Variants in CDYL2 observed in about 807,000 individuals in gnomAD.
The protein encoded by CDYL2 is chromodomain Y like 2.
In CDYL2, 23 loss-of-function variants were observed where a neutral mutation model predicts 49.4. The ratio of observed to expected loss-of-function variants is 0.47; its 90% CI spans 0.34 to 0.66. The LOEUF (loss-of-function observed/expected upper bound fraction) is 0.66. CDYL2 is among the 30% of genes least tolerant of loss of function. CDYL2 has a pLI of 0.01. For missense variants in CDYL2, 678 were observed against 656.4 expected (o/e 1.03, Z -0.36); for synonymous variants, 360 against 268.8 (o/e 1.34, Z -3.32).
chr16:80,737,540 T>C (rs1905578842), intron 1 of CDYL2, among the ~76,000 whole-genome samples: 2 of 152,330 alleles, frequency 1.3e-5, no homozygotes, highest in South Asian at 4.1e-4. Flanking sequence ...TGGCTCTTCA[T>C]ACCAGCTGTT....
At chr16:80,658,804 G>C (rs1394405150) in intron 2 of CDYL2, among the ~76,000 whole-genome samples, 4 of 152,156 alleles carry the variant, frequency 2.6e-5, no homozygotes, top group East Asian at 3.8e-4. Context: ...AGGGCTCCTA[G>C]AGAAATGGCT....
chr16:80,752,862 A>C (rs1031246584), intron 1 of CDYL2, among the ~76,000 whole-genome samples: 2 of 152,256 alleles, frequency 1.3e-5, no homozygotes, highest in African/African-American at 4.8e-5. Context: ...AAGCTAGTGC[A>C]GCACACAAAT....
At chr16:80,698,638 G>T (rs1904286371) in intron 1 of CDYL2, among the ~76,000 whole-genome samples, 1 of 152,062 alleles carries the variant, frequency 6.6e-6, no homozygotes, top group Non-Finnish European at 1.5e-5. Context: ...CCTTGGTACT[G>T]TATAGTAAGT....
At chr16:80,614,175 G>A (rs925534116) in intron 4 of CDYL2, among the ~76,000 whole-genome samples, 1 of 152,214 alleles carries the variant, frequency 6.6e-6, no homozygotes, top group Non-Finnish European at 1.5e-5. Context: ...AAAGACTGCA[G>A]AGGTGTGGCA....
chr16:80,628,592 C>A (rs1449482194), intron 3 of CDYL2, among the ~76,000 whole-genome samples: 1 of 152,196 alleles, frequency 6.6e-6, no homozygotes, highest in South Asian at 2.1e-4. Context: ...CTGAGCCATG[C>A]CCAGATTCCT....
chr16:80,706,655 G>A (rs867629500), intron 1 of CDYL2, among the ~76,000 whole-genome samples: 6 of 152,218 alleles, frequency 3.9e-5, no homozygotes, highest in Middle Eastern at 6.8e-3. Context: ...GATTATCAAG[G>A]GTGCCAGAAA....
chr16:80,718,933 C>G (rs1451640707), intron 1 of CDYL2, among the ~76,000 whole-genome samples: 1 of 152,204 alleles, frequency 6.6e-6, no homozygotes, highest in African/African-American at 2.4e-5. Flanking sequence ...ATCCAGAGAG[C>G]AGAACCAGGA....
At chr16:80,657,331 G>A (rs1011334442) in intron 2 of CDYL2, among the ~76,000 whole-genome samples, 2 of 152,094 alleles carry the variant, frequency 1.3e-5, no homozygotes, top group Non-Finnish European at 2.9e-5. Flanking sequence ...ATAGCATAAA[G>A]AACTAATTAA....
chr16:80,732,555 G>A (rs551714154), intron 1 of CDYL2, among the ~76,000 whole-genome samples: 1 of 152,150 alleles, frequency 6.6e-6, no homozygotes, highest in African/African-American at 2.4e-5. Context: ...GTTATGTCTG[G>A]GAGATGTCTG....
intron 1 of CDYL2, chr16:80,742,023 T>C (rs1271312670): frequency 1.3e-5 from 2 of 152,240 alleles, no homozygotes; most frequent in African/African-American, 4.8e-5. Flanking sequence ...CACAGTTCTA[T>C]GCTTCAAATG....
chr16:80,738,457 G>A (rs1437724091), intron 1 of CDYL2, among the ~76,000 whole-genome samples: 2 of 152,048 alleles, frequency 1.3e-5, no homozygotes, highest in South Asian at 2.1e-4. Flanking sequence ...AATGCTACAT[G>A]CTACAACTAG....
chr16:80,644,554 T>C (rs1173691405), intron 2 of CDYL2, among the ~76,000 whole-genome samples: 1 of 152,158 alleles, frequency 6.6e-6, no homozygotes, highest in Non-Finnish European at 1.5e-5. Flanking sequence ...CACATAGCTG[T>C]GGAGGCCTCA....
chr16:80,748,260 C>T (rs1317104173), intron 1 of CDYL2, among the ~76,000 whole-genome samples: 1 of 149,934 alleles, frequency 6.7e-6, no homozygotes, highest in East Asian at 1.9e-4. Context: ...GGCGCGCTGG[C>T]TCACGCCTGT....
intron 2 of CDYL2, among the ~76,000 whole-genome samples, chr16:80,661,452 C>G (rs1427892843): frequency 6.6e-6 from 1 of 152,148 alleles, no homozygotes; most frequent in African/African-American, 2.4e-5. Flanking sequence ...GGGATTCACA[C>G]AGGTTGTCTC....
intron 1 of CDYL2, among the ~76,000 whole-genome samples, chr16:80,762,793 G>A (rs757135136): frequency 1.4e-4 from 22 of 152,238 alleles, no homozygotes; most frequent in Admixed American, 5.9e-4. Flanking sequence ...AGCTCTCATA[G>A]GGCAGAGACG....
Position 80,600,312 on chromosome 16 carries a change from G to C in CDYL2, c.*4076C>G, listed in dbSNP as rs1322009176. 2.6e-5 allele frequency: 4 copies of C among 152,078 alleles called. No individual in the cohort carries two copies. The highest frequency in any genetic ancestry group is 2.6e-4 in the Admixed American group (4 of 15,268). The allele number at this position is 152,078 out of a possible 1,614,324, so 9.4% of individuals were successfully genotyped here. On this transcript the variant is annotated 3_prime_UTR_variant, in exon 7 of 7. Coordinates refer to ENST00000570137, the MANE Select transcript of CDYL2 (RefSeq NM_152342.4). ...ACAAGTGATATTAATGAAAAATATT[G>C]CCTAAAACGCATATCCTAACTTATC...
chr16:80,692,575 T>C (rs985062411), intron 1 of CDYL2, among the ~76,000 whole-genome samples: 1 of 152,262 alleles, frequency 6.6e-6, no homozygotes, highest in Non-Finnish European at 1.5e-5. Context: ...TATACAATGA[T>C]ACCAAATAAA....
chr16:80,748,506 TAAAAAAAAAAAAA>T (rs538432449), intron 1 of CDYL2, among the ~76,000 whole-genome samples: 343 of 19,140 alleles, frequency 0.018, 3 homozygotes, highest in African/African-American at 0.021. Context: ...AAAACTCCAT[TAAAAAAAAAAAAA>T]AAAAAAAAAA....
At chr16:80,697,352 C>T (rs1904280450) in intron 1 of CDYL2, among the ~76,000 whole-genome samples, 1 of 152,092 alleles carries the variant, frequency 6.6e-6, no homozygotes, top group African/African-American at 2.4e-5. Flanking sequence ...ACAGAGAAAG[C>T]ATTTAATAAA....
Sources: allele counts gnomAD v4.1 joint callset (sites outside exome capture counted in the v4.1 genomes callset), GRCh38; gene constraint gnomAD v4.1.1; transcripts MANE v1.5; gene names NCBI Gene and HGNC (gene_info 2026-07-23, HGNC 2026-07-21).